Variants in MYO10 observed in about 807,000 individuals in gnomAD.
The protein encoded by MYO10 is unconventional myosin-X.
MYO10 carries 133 observed loss-of-function variants against 257.3 expected under a neutral mutation model. The observed-to-expected ratio is 0.52, with a 90% CI of 0.45 to 0.60. The LOEUF (loss-of-function observed/expected upper bound fraction) is 0.60, where lower values mean the gene tolerates loss of function less well. Among genes scored for constraint, MYO10 ranks in the 20% least tolerant of loss-of-function variants. The pLI is 0.00. For synonymous variants in MYO10, 1,104 were observed against 1,028.6 expected (o/e 1.07, Z -1.40); for missense variants, 2,399 against 2,635.7 (o/e 0.91, Z 1.97).
chr5:16,904,427 G>A (rs528783581), intron 1 of MYO10, among the ~76,000 whole-genome samples: 1 of 152,318 alleles, frequency 6.6e-6, no homozygotes, highest in South Asian at 2.1e-4. Flanking sequence ...CTGATCAGAA[G>A]CACAGGTGCA....
Position 16,666,702 on chromosome 5 carries a change from C to T in MYO10, c.6167G>A (p.Ser2056Asn). The T allele has an allele frequency of 6.2e-7, 1 of 1,602,362 alleles. No individual in the cohort carries two copies. Among genetic ancestry groups the T allele is most frequent in the Non-Finnish European group, 8.5e-7 (1 of 1,176,234 alleles). ...STTRSASSQG[S>N]SR ...GGCTCTGTCCCGCCTTCACCTGGAG[C>T]TGCCCTGGCTGCTGGCGGAGCGTGT... The change falls in exon 41 of 41, where the codon AGC becomes AAC. Residue 2056 changes from serine to asparagine, a missense_variant. By Grantham distance (46) the Ser-to-Asn change is conservative. Around this residue, in one of 3 missense-constraint regions of MYO10, gnomAD observed 1,820 missense variants for 1,939.4 expected, o/e 0.94. Transcript: ENST00000513610.
At position 16,681,875 on chromosome 5, in the gene MYO10, C is replaced by T. The variant is rs772926738; in HGVS notation, c.4185G>A (p.Val1395=). The change falls in exon 31 of 41, where the codon GTG becomes GTA. Residue 1395 remains valine, a synonymous_variant. Coordinates refer to ENST00000513610, the MANE Select transcript of MYO10 (RefSeq NM_012334.3). ...GGAAGCAGGGCAGGCAGTCACCTCT[C>T]ACGATGAATTCCTGGCCCTCCACTC... The part of the protein sequence containing the change: ...DTRVEGQEFI[V]RGWLHKEVKN... 10 of 1,613,708 alleles carry T rather than the reference C, an allele frequency of 6.2e-6. 1 individual carries two copies. In the South Asian group the frequency reaches 9.9e-5, roughly 16 times the overall value.
intron 4 of MYO10, among the ~76,000 whole-genome samples, chr5:16,785,672 C>T (rs938958203): frequency 1.3e-5 from 2 of 152,054 alleles, no homozygotes; most frequent in African/African-American, 2.4e-5. Flanking sequence ...AAGTTTGAGA[C>T]CAGCCTGGCT....
At chr5:16,895,038 G>A (rs184839130) in intron 1 of MYO10, among the ~76,000 whole-genome samples, 7 of 152,168 alleles carry the variant, frequency 4.6e-5, no homozygotes, top group Admixed American at 2.0e-4. Context: ...AGACTAACCC[G>A]CCAAGCTCTA....
chr5:16,678,577 C>T (rs1736842896), intron 33 of MYO10, among the ~76,000 whole-genome samples: 1 of 152,186 alleles, frequency 6.6e-6, no homozygotes, highest in Non-Finnish European at 1.5e-5. Flanking sequence ...AGACTCCGTC[C>T]TCCGTCTCAA....
rs776835132 is a variant in MYO10, at chr5:16,671,509, T to C, written c.5343A>G (p.Pro1781=). The C allele has an allele frequency of 5.0e-6, 8 of 1,613,978 alleles. No homozygotes were observed. The highest frequency in any genetic ancestry group is 6.8e-6 in the Non-Finnish European group (8 of 1,179,852). The change falls in exon 38 of 41, where the codon CCA becomes CCG. Residue 1781 remains proline, a synonymous_variant. Transcript: ENST00000513610. ...LAATSEVGDL[P]WKFYFKLYCF... ...AGTAAAGTTTGAAGTAGAATTTCCA[T>C]GGCAGGTCCCCAACCTCGGATGTGG...
chr5:16,735,458 A>G (rs1253949869), intron 19 of MYO10, among the ~76,000 whole-genome samples: 1 of 152,134 alleles, frequency 6.6e-6, no homozygotes. Context: ...TAATTCCAGT[A>G]ATTTGGAAAG....
At chr5:16,863,805 G>A (rs1744169110) in intron 2 of MYO10, among the ~76,000 whole-genome samples, 3 of 152,184 alleles carry the variant, frequency 2.0e-5, no homozygotes, top group Non-Finnish European at 4.4e-5. Flanking sequence ...AGAAACAACA[G>A]TGAAACTCCG....
intron 9 of MYO10, among the ~76,000 whole-genome samples, chr5:16,774,054 C>G (rs1222720859): frequency 1.3e-5 from 2 of 152,332 alleles, no homozygotes; most frequent in Non-Finnish European, 2.9e-5. Context: ...GCAATCTCCA[C>G]CCCTTTGACA....
intron 9 of MYO10, among the ~76,000 whole-genome samples, chr5:16,777,839 C>CTTTTT (rs61326508): frequency 0.011 from 1,017 of 88,450 alleles, 129 homozygotes; most frequent in African/African-American, 0.02. Flanking sequence ...TTGCATCTAA[C>CTTTTT]TTTTTTTTTT....
intron 13 of MYO10, 39 bp downstream of exon 13, chr5:16,763,616 T>TA (rs750470332): frequency 0.011 from 13,120 of 1,181,162 alleles, no homozygotes; most frequent in Non-Finnish European, 0.013. Flanking sequence ...GTTGCTGCTT[T>TA]AAAAAAAAAA....
intron 2 of MYO10, among the ~76,000 whole-genome samples, chr5:16,833,721 T>C (rs1743224386): frequency 6.6e-6 from 1 of 152,168 alleles, no homozygotes; most frequent in Non-Finnish European, 1.5e-5. Context: ...GGCTGAGCAA[T>C]CTTAACTTGT....
chr5:16,853,453 C>G (rs953091555), intron 2 of MYO10, among the ~76,000 whole-genome samples: 1 of 152,124 alleles, frequency 6.6e-6, no homozygotes, highest in African/African-American at 2.4e-5. Context: ...TTAAAGATTC[C>G]TACACTTCTA....
At chr5:16,879,873 C>T (rs188073862) in intron 1 of MYO10, among the ~76,000 whole-genome samples, 118 of 152,282 alleles carry the variant, frequency 7.7e-4, no homozygotes, top group Non-Finnish European at 1.5e-3. Context: ...CATGATAACA[C>T]TGTTTAAAAT....
At chr5:16,671,401 G>C (rs567521484) in intron 38 of MYO10, 21 bp downstream of exon 38, 3 of 1,612,758 alleles carry the variant, frequency 1.9e-6, no homozygotes, top group Non-Finnish European at 1.7e-6. Flanking sequence ...AAAGAAATCT[G>C]TTTCTAACTA....
chr5:16,763,449 G>A, intron 14 of MYO10, 32 bp downstream of exon 14: 5 of 1,549,436 alleles, frequency 3.2e-6, no homozygotes, highest in Non-Finnish European at 4.5e-6. Context: ...GGACCCCCTT[G>A]GGACTGTAAC....
At chr5:16,884,909 C>T (rs1314235179) in intron 1 of MYO10, among the ~76,000 whole-genome samples, 1 of 152,056 alleles carries the variant, frequency 6.6e-6, no homozygotes, top group Non-Finnish European at 1.5e-5. Flanking sequence ...GAGCCATGGC[C>T]AAACTGAAGG....
At position 16,674,958 on chromosome 5, in the gene MYO10, G is replaced by T; in HGVS notation, c.4859C>A (p.Pro1620His). The change falls in exon 35 of 41, where the codon CCC (proline) becomes CAC (histidine). Residue 1620 changes from proline (P) to histidine (H), a missense_variant. Physicochemically the swap from Pro to His is moderately conservative, Grantham distance 77. This residue lies in a region of MYO10 where 1,820 missense variants were observed against 1,939.4 expected (regional missense o/e 0.94). Coordinates refer to ENST00000513610, the MANE Select transcript of MYO10 (RefSeq NM_012334.3). ...LIKQTNKVPH[P>H]GSVGNLYSWQ... ...GCTGTACAGGTTGCCCACACTGCCG[G>T]GGTGGGGCACTTTGTTGGTCTGTTT... 2 of 1,614,000 alleles carry T rather than the reference G, an allele frequency of 1.2e-6. No individual in the cohort carries two copies. Among genetic ancestry groups the T allele is most frequent in the Non-Finnish European group, 8.5e-7 (1 of 1,179,902 alleles).
chr5:16,761,441 T>G (rs1298222991), intron 17 of MYO10, 23 bp downstream of exon 17: 2 of 1,570,682 alleles, frequency 1.3e-6, no homozygotes, highest in African/African-American at 2.7e-5. Flanking sequence ...GCTAAGTACT[T>G]CTCGGTGAGA....
Sources: gnomAD v4.1 joint callset for allele counts (sites outside exome capture counted in the v4.1 genomes callset) on GRCh38, gnomAD v4.1.1 for gene constraint, gnomAD v4.1.1 regional missense constraint, MANE v1.5 for transcripts, NCBI Gene and HGNC (gene_info 2026-07-23, HGNC 2026-07-21) for gene names.